Variants in ARMC9 observed in about 807,000 individuals in gnomAD.
The protein encoded by ARMC9 is lisH domain-containing protein ARMC9.
A neutral mutation model predicts 107.0 loss-of-function variants in ARMC9; 94 were observed. The ratio of observed to expected loss-of-function variants is 0.88; its 90% CI spans 0.74 to 1.04. The LOEUF is 1.04. Among genes scored for constraint, ARMC9 ranks in the 50% least tolerant of loss-of-function variants. ARMC9 has a pLI of 0.00. For missense variants in ARMC9, 942 were observed against 1,030.1 expected, an observed-to-expected ratio of 0.91 and a Z score of 1.17; for synonymous variants, 380 against 396.9, an observed-to-expected ratio of 0.96 and a Z score of 0.51.
chr2:231,226,833 A>G lies in ARMC9; in HGVS notation c.622+35A>G, dbSNP rs746002627. 1.0e-5 allele frequency: 16 copies of G among 1,603,438 alleles called. No homozygotes were observed. The Admixed American group carries it at 1.5e-4, about 15-fold the overall frequency. On this transcript the variant is annotated intron_variant, in intron 7 of 24. Coordinates refer to ENST00000611582, the MANE Select transcript of ARMC9 (RefSeq NM_001352754.2). Reference sequence around the variant, plus strand: ...CTAGATTTAAATTTGTCTAAGAACAACTTTGCCAGTTCAGGTTTGAAGTAG... The same window carrying G: ...CTAGATTTAAATTTGTCTAAGAACAGCTTTGCCAGTTCAGGTTTGAAGTAG...
In ARMC9 at chr2:231,371,820, G is replaced by T; in HGVS notation, c.*285G>T. 2.8e-6 allele frequency: 1 copy of T among 360,964 alleles called. No individual in the cohort carries two copies. The highest frequency in any genetic ancestry group is 4.9e-6 in the Non-Finnish European group (1 of 202,398). 22.4% of individuals were successfully genotyped at this position (360,964 alleles called of 1,614,324 possible). A position where few individuals can be genotyped will look rare whatever the true frequency, so the allele number is the denominator to read the frequency against. ...CTCACCCTTCACACACAGAGGAGAGGGGTGGCTTTTGCCCGCAGGAGATCT... is the reference window on the plus strand; with the variant it reads ...CTCACCCTTCACACACAGAGGAGAGTGGTGGCTTTTGCCCGCAGGAGATCT... On this transcript the variant is annotated 3_prime_UTR_variant, in exon 25 of 25. Coordinates refer to ENST00000611582, the MANE Select transcript of ARMC9 (RefSeq NM_001352754.2).
At chr2:231,341,344 A>C (rs967688396) in intron 20 of ARMC9, among the ~76,000 whole-genome samples, 5 of 152,184 alleles carry the variant, frequency 3.3e-5, no homozygotes, top group African/African-American at 1.2e-4. Context: ...TCAACTCAGG[A>C]AGAAAGCCAA....
intron 19 of ARMC9, among the ~76,000 whole-genome samples, chr2:231,305,245 G>A (rs1301457885): frequency 6.6e-6 from 1 of 152,350 alleles, no homozygotes; most frequent in East Asian, 1.9e-4. Flanking sequence ...TGCTACTAGA[G>A]TTTGAGATCG....
At chr2:231,317,580 G>A (rs1248613220) in intron 19 of ARMC9, among the ~76,000 whole-genome samples, 2 of 151,038 alleles carry the variant, frequency 1.3e-5, no homozygotes, top group African/African-American at 2.5e-5. Context: ...ATTTACTCAA[G>A]TGTTATTTTC....
chr2:231,225,616 A>C (rs906980485), intron 6 of ARMC9, among the ~76,000 whole-genome samples: 1 of 152,358 alleles, frequency 6.6e-6, no homozygotes, highest in East Asian at 1.9e-4. Context: ...GAAAGAAGCC[A>C]GTGGCAGGGA....
chr2:231,338,075 G>T (rs1347453774), intron 20 of ARMC9, among the ~76,000 whole-genome samples: 2 of 152,190 alleles, frequency 1.3e-5, no homozygotes, highest in African/African-American at 2.4e-5. Context: ...GGCCCTGCCT[G>T]CCAGAAGGGC....
At chr2:231,292,735 A>C (rs2041101847) in intron 18 of ARMC9, among the ~76,000 whole-genome samples, 1 of 152,210 alleles carries the variant, frequency 6.6e-6, no homozygotes, top group Non-Finnish European at 1.5e-5. Flanking sequence ...AGCAGTCCAC[A>C]TCCCTGCAAG....
At chr2:231,224,855 A>G (rs183367619) in intron 6 of ARMC9, among the ~76,000 whole-genome samples, 5 of 152,270 alleles carry the variant, frequency 3.3e-5, no homozygotes, top group African/African-American at 9.6e-5. Flanking sequence ...CAGAGGAGGG[A>G]TGGGAATTAC....
chr2:231,232,891 C>T (rs1239802395), intron 7 of ARMC9, among the ~76,000 whole-genome samples: 3 of 152,056 alleles, frequency 2.0e-5, no homozygotes, highest in African/African-American at 4.8e-5. Flanking sequence ...CACTCTGTCA[C>T]CCAGGCTGGA....
At chr2:231,256,791 A>G (rs536740420) in intron 10 of ARMC9, among the ~76,000 whole-genome samples, 171 bp downstream of exon 10, 1 of 152,282 alleles carries the variant, frequency 6.6e-6, no homozygotes, top group African/African-American at 2.4e-5. Flanking sequence ...ATGTTGTTAA[A>G]CTAGAATTAT....
intron 20 of ARMC9, among the ~76,000 whole-genome samples, chr2:231,343,387 C>A (rs2044634382): frequency 6.6e-6 from 1 of 151,072 alleles, no homozygotes; most frequent in Non-Finnish European, 1.5e-5. Flanking sequence ...TTCCAATGTT[C>A]AAGAAGTTTG....
At chr2:231,233,950 A>C (rs2035481572) in intron 7 of ARMC9, among the ~76,000 whole-genome samples, 1 of 152,192 alleles carries the variant, frequency 6.6e-6, no homozygotes, top group Non-Finnish European at 1.5e-5. Context: ...ATAACCCATC[A>C]AAGCAATTAT....
intron 14 of ARMC9, among the ~76,000 whole-genome samples, chr2:231,273,826 C>T (rs116129972): frequency 0.012 from 1,887 of 152,270 alleles, 43 homozygotes; most frequent in African/African-American, 0.044. Context: ...CAGAGTTGTG[C>T]AGTCATCACC....
intron 23 of ARMC9, among the ~76,000 whole-genome samples, chr2:231,361,808 G>C (rs2045597822): frequency 1.3e-5 from 2 of 152,306 alleles, no homozygotes; most frequent in Non-Finnish European, 1.5e-5. Context: ...CCCCCGGAGA[G>C]GACAGGCAGG....
intron 9 of ARMC9, among the ~76,000 whole-genome samples, chr2:231,251,877 C>T (rs1338029491): frequency 6.6e-6 from 1 of 152,164 alleles, no homozygotes; most frequent in Non-Finnish European, 1.5e-5. Context: ...AGGTGTGCAC[C>T]ACCACACCTG....
At position 231,375,427 on chromosome 2, in the gene ARMC9, A is replaced by G. The variant is rs1052962978; in HGVS notation, c.*3892A>G. Among the ~76,000 whole-genome samples, 8 of 152,276 alleles carry G rather than the reference A, an allele frequency of 5.3e-5. No homozygotes were observed. The highest frequency in any genetic ancestry group is 1.9e-4 in the African/African-American group (8 of 41,474). On this transcript the variant is annotated 3_prime_UTR_variant, in exon 25 of 25. Coordinates refer to ENST00000611582, the MANE Select transcript of ARMC9 (RefSeq NM_001352754.2). This position sits in a 1 kb window ranked among gnomAD's most constrained non-coding sequence, Gnocchi z 4.3. The stretch of plus-strand genomic sequence containing the variant: ...TGGATACAGGGACCCCGAATGAACC[A>G]GAGGCAATACTGCTGCAAGCTACCA...
chr2:231,207,877 C>T (rs926423038), intron 2 of ARMC9, among the ~76,000 whole-genome samples: 6 of 152,192 alleles, frequency 3.9e-5, no homozygotes, highest in African/African-American at 1.4e-4. Context: ...TCCTTTTCTC[C>T]ACATCCTTGC....
intron 21 of ARMC9, among the ~76,000 whole-genome samples, chr2:231,352,267 A>AC (rs531690788): frequency 2.1e-4 from 32 of 151,562 alleles, no homozygotes; most frequent in African/African-American, 7.7e-4. Flanking sequence ...CAGCCCAGCC[A>AC]CTAGTACTTT....
intron 8 of ARMC9, among the ~76,000 whole-genome samples, chr2:231,237,571 C>T (rs2035834562): frequency 1.3e-5 from 2 of 151,614 alleles, no homozygotes; most frequent in South Asian, 4.2e-4. Context: ...TCAACAATGT[C>T]TACTCCCCCA....
Sources: allele counts gnomAD v4.1 joint callset (sites outside exome capture counted in the v4.1 genomes callset), GRCh38; gene constraint gnomAD v4.1.1; non-coding constraint Gnocchi (gnomAD v3.1); transcripts MANE v1.5; gene names NCBI Gene and HGNC (gene_info 2026-07-23, HGNC 2026-07-21).